The following ATP10B variants were observed in gnomAD, a reference collection of about 807,000 sequenced individuals.
ATP10B encodes ATPase phospholipid transporting 10B (putative), also known as phospholipid-transporting ATPase VB.
ATP10B carries 122 observed loss-of-function variants against 141.2 expected under a neutral mutation model. That is an observed-to-expected ratio of 0.86 (90% CI 0.75 to 1.00). The LOEUF is 1.00. Among genes scored for constraint, ATP10B ranks in the 50% least tolerant of loss-of-function variants. The probability of loss-of-function intolerance (pLI) is 0.00; values close to 1 mark genes in which losing one functional copy is unlikely to be tolerated. For synonymous variants in ATP10B, 685 were observed against 692.0 expected (o/e 0.99, Z 0.16); for missense variants, 1,876 against 1,825.3 (o/e 1.03, Z -0.51).
At chr5:160,764,155 T>G (rs1769240022) in intron 2 of ATP10B, among the ~76,000 whole-genome samples, 1 of 152,146 alleles carries the variant, frequency 6.6e-6, no homozygotes, top group South Asian at 2.1e-4. Flanking sequence ...CCAATCCTAC[T>G]GAAATTATCC....
At chr5:160,613,792 A>G (rs1259559189) in intron 17 of ATP10B, 1 of 152,242 alleles carries the variant, frequency 6.6e-6, no homozygotes, top group Non-Finnish European at 1.5e-5. Context: ...TGATGAATAG[A>G]TATCCAAATA....
At chr5:160,567,208 T>TA (rs1754601017) in intron 25 of ATP10B, among the ~76,000 whole-genome samples, 1 of 152,152 alleles carries the variant, frequency 6.6e-6, no homozygotes, top group Admixed American at 6.5e-5. Flanking sequence ...CCCAAGGGAT[T>TA]AAGCCATGAA....
the ATP10B span, among the ~76,000 whole-genome samples, chr5:160,904,284 C>T: frequency 3.1e-3 from 475 of 152,244 alleles, 2 homozygotes; most frequent in African/African-American, 0.011. Flanking sequence ...AGCTAGGTAA[C>T]CTACTTAATC....
chr5:160,599,833 T>C (rs1756985759), intron 21 of ATP10B, among the ~76,000 whole-genome samples: 1 of 152,198 alleles, frequency 6.6e-6, no homozygotes, highest in Non-Finnish European at 1.5e-5. Flanking sequence ...AGGTCATACA[T>C]ATAAGCAGCT....
At chr5:160,632,696 AT>A (rs1327928405) in intron 12 of ATP10B, 1 of 211,194 alleles carries the variant, frequency 4.7e-6, no homozygotes, top group African/African-American at 2.3e-5. Flanking sequence ...ATGTGTTAAA[AT>A]AACTAGCATA....
At chr5:160,733,581 A>G (rs1432876042) in intron 2 of ATP10B, among the ~76,000 whole-genome samples, 1 of 151,946 alleles carries the variant, frequency 6.6e-6, no homozygotes, top group Non-Finnish European at 1.5e-5. Flanking sequence ...TATATGTCAC[A>G]TATGTTACAT....
intron 3 of ATP10B, 65 bp from the exon 4 acceptor site, chr5:160,689,008 C>A (rs1229794763): frequency 4.4e-6 from 4 of 905,008 alleles, no homozygotes; most frequent in Non-Finnish European, 4.0e-6. Context: ...TGCTTTACAG[C>A]ACATCAAAAA....
At chr5:160,881,893 A>T in the ATP10B span, among the ~76,000 whole-genome samples, 1 of 152,204 alleles carries the variant, frequency 6.6e-6, no homozygotes, top group Non-Finnish European at 1.5e-5. Flanking sequence ...GTGAATGGAT[A>T]AATAAACTGT....
At chr5:160,585,881 T>C (rs1305156611) in intron 24 of ATP10B, among the ~76,000 whole-genome samples, 1 of 152,190 alleles carries the variant, frequency 6.6e-6, no homozygotes, top group Admixed American at 6.5e-5. Flanking sequence ...ATGAAGAAAT[T>C]TGTCCTGTAC....
At chr5:160,824,176 C>G (rs1774399024) in intron 1 of ATP10B, among the ~76,000 whole-genome samples, 1 of 151,974 alleles carries the variant, frequency 6.6e-6, no homozygotes, top group African/African-American at 2.4e-5. Flanking sequence ...GCCACCTCCC[C>G]TGGCTAATTT....
At chr5:160,801,600 A>G (rs1330284191) in intron 1 of ATP10B, among the ~76,000 whole-genome samples, 1 of 152,194 alleles carries the variant, frequency 6.6e-6, no homozygotes. Flanking sequence ...TGCTTAATAA[A>G]AATGTATTAA....
intron 12 of ATP10B, chr5:160,633,748 T>TG (rs1454408869): frequency 5.9e-4 from 26 of 44,370 alleles, no homozygotes; most frequent in African/African-American, 1.6e-3. Context: ...GTGTGTGTTG[T>TG]GGGGGGGTGG....
intron 24 of ATP10B, among the ~76,000 whole-genome samples, chr5:160,580,393 G>A (rs990354795): frequency 2.6e-4 from 40 of 152,262 alleles, no homozygotes; most frequent in African/African-American, 9.4e-4. Context: ...TTTATCGAAG[G>A]CCTTTTCTGC....
the ATP10B span, among the ~76,000 whole-genome samples, chr5:160,921,787 C>T: frequency 6.6e-6 from 1 of 152,214 alleles, no homozygotes; most frequent in Non-Finnish European, 1.5e-5. Context: ...TCCCTTGGCC[C>T]TCTGCTGTGT....
intron 3 of ATP10B, among the ~76,000 whole-genome samples, chr5:160,699,515 C>T (rs1047566425): frequency 1.3e-5 from 2 of 152,134 alleles, no homozygotes; most frequent in Non-Finnish European, 2.9e-5. Flanking sequence ...AATTAGTACA[C>T]CCCGGAAGAA....
chr5:160,589,495 G>A, intron 24 of ATP10B, 97 bp downstream of exon 24: 1 of 926,136 alleles, frequency 1.1e-6, no homozygotes, highest in Non-Finnish European at 1.8e-6. Context: ...TATTTATTGA[G>A]TGGATTGATA....
At chr5:160,691,992 T>C (rs1297512445) in intron 3 of ATP10B, among the ~76,000 whole-genome samples, 1 of 152,248 alleles carries the variant, frequency 6.6e-6, no homozygotes, top group African/African-American at 2.4e-5. Flanking sequence ...AGATAATTTA[T>C]GAATAGCATT....
At chr5:160,678,613 C>A (rs762485148) in intron 6 of ATP10B, among the ~76,000 whole-genome samples, 7 of 152,128 alleles carry the variant, frequency 4.6e-5, no homozygotes, top group Non-Finnish European at 8.8e-5. Context: ...GTCAAGACTG[C>A]GCCACTGCAC....
Position 160,565,348 on chromosome 5 carries a change from A to G in ATP10B, c.*105T>C, listed in dbSNP as rs916114361. ...GAAGTCAAGGTTGTTGAAGAAAAGA[A>G]TAAGACTGGCACATTGTTTCCTCTA... is the stretch of plus-strand genomic sequence containing the variant. On this transcript the variant is annotated 3_prime_UTR_variant, in exon 26 of 26. Coordinates refer to ENST00000327245, the MANE Select transcript of ATP10B (RefSeq NM_025153.3). 14 of 1,206,146 alleles carry G rather than the reference A, an allele frequency of 1.2e-5. No homozygotes were observed. In the Admixed American group the frequency reaches 2.8e-4, roughly 24 times the overall value. The allele number at this position is 1,206,146 out of a possible 1,614,324, so 74.7% of individuals were successfully genotyped here.
Sources: allele counts gnomAD v4.1 joint callset (sites outside exome capture counted in the v4.1 genomes callset), GRCh38; gene constraint gnomAD v4.1.1; transcripts MANE v1.5; gene names NCBI Gene and HGNC (gene_info 2026-07-23, HGNC 2026-07-21).